EHF: variants seen among roughly 807,000 people sequenced by gnomAD.
EHF encodes the protein ETS homologous factor.
Under a neutral mutation model 45.1 loss-of-function variants are expected in EHF, and 14 were observed. That is an observed-to-expected ratio of 0.31 (90% CI 0.21 to 0.49). The LOEUF (loss-of-function observed/expected upper bound fraction) is 0.49, where lower values mean the gene tolerates loss of function less well. Among genes scored for constraint, EHF ranks in the 20% least tolerant of loss-of-function variants. The pLI is 0.99. For synonymous variants in EHF, 136 were observed against 131.8 expected (o/e 1.03, Z -0.22); for missense variants, 282 against 371.4 (o/e 0.76, Z 1.98).
At chr11:34,624,503 A>G (rs1450860156) in intron 1 of EHF, among the ~76,000 whole-genome samples, 1 of 152,244 alleles carries the variant, frequency 6.6e-6, no homozygotes, top group Non-Finnish European at 1.5e-5. Flanking sequence ...ATTTGTTCTA[A>G]AGAGCAAACA....
intron 4 of EHF, among the ~76,000 whole-genome samples, chr11:34,650,829 A>G (rs910801884): frequency 1.3e-4 from 20 of 152,188 alleles, no homozygotes; most frequent in Admixed American, 3.3e-4. Context: ...CAGCACACAG[A>G]AGAAAGAGAA....
chr11:34,628,734 G>C (rs12286924), intron 1 of EHF, among the ~76,000 whole-genome samples: 15,306 of 152,152 alleles, frequency 0.1, 1,806 homozygotes, highest in African/African-American at 0.28. Context: ...AGGAGGTAGT[G>C]CATGGAACAA....
chr11:34,623,416 AT>A, intron 1 of EHF, among the ~76,000 whole-genome samples: 2 of 152,150 alleles, frequency 1.3e-5, no homozygotes, highest in African/African-American at 4.8e-5. Context: ...CTATTAGTCT[AT>A]CGTGATCTCC....
intron 7 of EHF, 150 bp from the exon 8 acceptor site, chr11:34,658,383 C>A: frequency 1.6e-6 from 1 of 634,896 alleles, no homozygotes; most frequent in Non-Finnish European, 2.7e-6. Flanking sequence ...TAATGTCCAA[C>A]ATCTGGTGAT....
chr11:34,638,106 T>A (rs959596469), intron 1 of EHF, among the ~76,000 whole-genome samples: 2 of 152,174 alleles, frequency 1.3e-5, no homozygotes, highest in African/African-American at 4.8e-5. Context: ...TTCACCATGT[T>A]GGCCAGGCTG....
At chr11:34,623,515 C>T (rs1293778253) in intron 1 of EHF, among the ~76,000 whole-genome samples, 1 of 152,184 alleles carries the variant, frequency 6.6e-6, no homozygotes, top group African/African-American at 2.4e-5. Context: ...CCTAAATGCT[C>T]CCATTAATTG....
At chr11:34,630,431 C>A (rs558505530) in intron 1 of EHF, among the ~76,000 whole-genome samples, 24 of 152,270 alleles carry the variant, frequency 1.6e-4, no homozygotes, top group Non-Finnish European at 2.6e-4. Context: ...ACAATTTAAA[C>A]CCTCAACAAA....
chr11:34,645,021 T>C (rs1429137098), intron 2 of EHF, among the ~76,000 whole-genome samples: 2 of 152,224 alleles, frequency 1.3e-5, no homozygotes, highest in Non-Finnish European at 2.9e-5. Context: ...TGTCACGTTC[T>C]GTTGGATTTC....
At chr11:34,629,857 A>T (rs929378190) in intron 1 of EHF, among the ~76,000 whole-genome samples, 1 of 98,068 alleles carries the variant, frequency 1.0e-5, no homozygotes, top group African/African-American at 3.1e-5. Context: ...TCATTTCCCA[A>T]GGTTTTTTTT....
intron 2 of EHF, among the ~76,000 whole-genome samples, chr11:34,646,171 G>T (rs1004766837): frequency 1.3e-5 from 2 of 151,972 alleles, no homozygotes; most frequent in African/African-American, 4.8e-5. Context: ...TGATAGCAAT[G>T]CTCTAGCTTT....
rs370092846 is a variant in EHF, at chr11:34,642,667, C to G, written c.37C>G (p.Pro13Ala). ...AGGAGGTGGTGTAATGAATCTCAAC[C>G]CCGGCAACAACCTCCTTCACCAGCC... ...LEGGGVMNLN[P>A]GNNLLHQPPA... Residue 13 changes from proline to alanine, a missense_variant, in exon 2 of 9, where the codon CCC (proline) becomes GCC (alanine). Pro to Ala is a conservative substitution (Grantham distance 27). Coordinates refer to ENST00000257831, the MANE Select transcript of EHF (RefSeq NM_012153.6). 4 of 1,614,008 alleles carry G rather than the reference C, an allele frequency of 2.5e-6. No individual in the cohort carries two copies. Among genetic ancestry groups the G allele is most frequent in the Admixed American group, 1.7e-5 (1 of 60,012 alleles).
intron 1 of EHF, among the ~76,000 whole-genome samples, chr11:34,627,369 C>T (rs923624647): frequency 1.3e-5 from 2 of 152,064 alleles, no homozygotes; most frequent in African/African-American, 4.8e-5. Flanking sequence ...TGTCCTGATG[C>T]CTGGCAAGTA....
chr11:34,643,244 T>G (rs1375235155), intron 2 of EHF, among the ~76,000 whole-genome samples: 1 of 152,060 alleles, frequency 6.6e-6, no homozygotes, highest in Non-Finnish European at 1.5e-5. Context: ...CTAGAACACG[T>G]CTATTAGAAG....
rs188320416 is a variant in EHF, at chr11:34,628,072, A to T, written c.-4+6844A>T. On this transcript the variant is annotated intron_variant, in intron 1 of 8. Transcript: ENST00000257831. ...ACAGCCAGTCTGGCCAACATGGCGA[A>T]ACCCCATCTCTACTAAAAATACAGG... Among the ~76,000 whole-genome samples the T allele has an allele frequency of 2.6e-5, 4 of 152,278 alleles. No individual in the cohort carries two copies. The East Asian group carries it at 5.8e-4, about 22-fold the overall frequency.
At chr11:34,655,304 AG>A (rs1855556271) in intron 6 of EHF, among the ~76,000 whole-genome samples, 1 of 152,174 alleles carries the variant, frequency 6.6e-6, no homozygotes, top group Non-Finnish European at 1.5e-5. Flanking sequence ...AGTCTTGATT[AG>A]CTGGGTGATA....
rs114600324 is a variant in EHF at position 34,631,621 on chromosome 11, A to C, written c.-4+10393A>C. The C allele has an allele frequency of 1.3e-3, 1,216 of 971,048 alleles. 15 individuals are homozygous for C. The African/African-American group carries it at 0.02, about 16-fold the overall frequency. The allele number at this position is 971,048 out of a possible 1,614,324, so 60.2% of individuals were successfully genotyped here. ...GAGATGAGTGGGTCTACACAGCCCG[A>C]TTTTGAGGTAGGTGTGGCTAGCCTC... is the stretch of plus-strand genomic sequence containing the variant. On this transcript the variant is annotated intron_variant, in intron 1 of 8. Coordinates refer to ENST00000257831, the MANE Select transcript of EHF (RefSeq NM_012153.6).
At chr11:34,647,070 C>CAA (rs1854626561) in intron 3 of EHF, among the ~76,000 whole-genome samples, 31 of 141,658 alleles carry the variant, frequency 2.2e-4, no homozygotes, top group Non-Finnish European at 3.8e-4. Context: ...AAACAAAAAA[C>CAA]AAAACAAAAC....
rs766437647 is a variant in EHF at position 34,651,733 on chromosome 11, A to G, written c.476-4A>G. The G allele has an allele frequency of 6.2e-7, 1 of 1,614,056 alleles. No individual in the cohort carries two copies. Among genetic ancestry groups the G allele is most frequent in the Non-Finnish European group, 8.5e-7 (1 of 1,179,972 alleles). ...AAATGTCCTTTATCTTTTCATGGCCACAGATTTGTTGGACAGCAAAACTTT... is the reference window on the plus strand; with the variant it reads ...AAATGTCCTTTATCTTTTCATGGCCGCAGATTTGTTGGACAGCAAAACTTT... On this transcript the variant is annotated splice_region_variant and splice_polypyrimidine_tract_variant and intron_variant, in intron 5 of 8. Coordinates refer to ENST00000257831, the MANE Select transcript of EHF (RefSeq NM_012153.6).
intron 1 of EHF, chr11:34,624,374 A>C: frequency 1.1e-6 from 1 of 938,658 alleles, no homozygotes; most frequent in Non-Finnish European, 1.3e-6. Flanking sequence ...GAGGGCAGCC[A>C]CACCTTGCCC....
Sources: gnomAD v4.1 joint callset for allele counts (sites outside exome capture counted in the v4.1 genomes callset) on GRCh38, gnomAD v4.1.1 for gene constraint, MANE v1.5 for transcripts, NCBI Gene and HGNC (gene_info 2026-07-23, HGNC 2026-07-21) for gene names.